The following ARHGAP15 variants were observed in gnomAD, a reference collection of about 807,000 sequenced individuals.
ARHGAP15 encodes Rho GTPase activating protein 15, also known as rho GTPase-activating protein 15.
ARHGAP15 carries 51 observed loss-of-function variants against 63.7 expected under a neutral mutation model. The observed-to-expected ratio is 0.80, with a 90% CI of 0.64 to 1.01. ARHGAP15 has a LOEUF of 1.01. Ranked by LOEUF, ARHGAP15 falls within the 50% of genes least tolerant of loss-of-function variation. ARHGAP15 has a pLI of 0.00. For synonymous variants in ARHGAP15, 191 were observed against 193.8 expected (o/e 0.99, Z 0.12); for missense variants, 560 against 564.6 (o/e 0.99, Z 0.08).
chr2:143,736,232 T>C (rs1685739684), intron 13 of ARHGAP15, among the ~76,000 whole-genome samples: 1 of 152,064 alleles, frequency 6.6e-6, no homozygotes, highest in African/African-American at 2.4e-5. Flanking sequence ...ACCTTGTCTC[T>C]ACTAAATACA....
chr2:143,751,229 G>A (rs538073739), intron 13 of ARHGAP15, among the ~76,000 whole-genome samples: 1 of 152,336 alleles, frequency 6.6e-6, no homozygotes, highest in African/African-American at 2.4e-5. Context: ...GTCTCCGGGA[G>A]GATGAAGATG....
At chr2:143,399,777 C>G (rs1687919459) in intron 6 of ARHGAP15, among the ~76,000 whole-genome samples, 1 of 151,934 alleles carries the variant, frequency 6.6e-6, no homozygotes. Flanking sequence ...AGGAATGTGC[C>G]CCTCTGGAAA....
intron 10 of ARHGAP15, among the ~76,000 whole-genome samples, chr2:143,541,707 C>A (rs1695062532): frequency 6.6e-6 from 1 of 152,274 alleles, no homozygotes; most frequent in African/African-American, 2.4e-5. Flanking sequence ...TGGTGAACCG[C>A]AAATGCTGCT....
chr2:143,425,180 C>G (rs770026891), intron 6 of ARHGAP15, among the ~76,000 whole-genome samples: 1 of 151,992 alleles, frequency 6.6e-6, no homozygotes, highest in Admixed American at 6.6e-5. Flanking sequence ...GATATTTTTG[C>G]ACACATTTGG....
chr2:143,451,549 A>C (rs1690407894), intron 8 of ARHGAP15, among the ~76,000 whole-genome samples: 2 of 151,960 alleles, frequency 1.3e-5, no homozygotes, highest in Admixed American at 1.3e-4. Flanking sequence ...CTATGAAAAA[A>C]TTAGAATTGA....
intron 2 of ARHGAP15, among the ~76,000 whole-genome samples, chr2:143,191,737 T>C (rs1043399920): frequency 9.2e-5 from 14 of 152,234 alleles, no homozygotes; most frequent in Non-Finnish European, 1.9e-4. Flanking sequence ...TTTTTCTATT[T>C]TCACCAGAAA....
chr2:143,429,633 C>G (rs916792753), intron 6 of ARHGAP15, among the ~76,000 whole-genome samples: 2 of 152,000 alleles, frequency 1.3e-5, no homozygotes, highest in African/African-American at 4.8e-5. Flanking sequence ...ATCCAATAAG[C>G]GTCTGGAAAC....
intron 8 of ARHGAP15, among the ~76,000 whole-genome samples, chr2:143,476,510 G>A (rs1691823205): frequency 6.6e-6 from 1 of 152,198 alleles, no homozygotes; most frequent in Admixed American, 6.5e-5. Context: ...TCAGCCCTAT[G>A]CATATGTGTG....
intron 2 of ARHGAP15, among the ~76,000 whole-genome samples, chr2:143,186,129 G>T (rs1039549144): frequency 8.5e-5 from 13 of 152,136 alleles, no homozygotes; most frequent in Non-Finnish European, 1.5e-4. Context: ...GTGGCTAGAT[G>T]AGGGACATAA....
intron 10 of ARHGAP15, among the ~76,000 whole-genome samples, chr2:143,527,876 A>G (rs568095857): frequency 1.9e-4 from 29 of 152,068 alleles, no homozygotes; most frequent in Non-Finnish European, 3.1e-4. Context: ...AAAAAGATCA[A>G]TCACCAACAG....
At chr2:143,155,823 G>T (rs940755898) in intron 2 of ARHGAP15, among the ~76,000 whole-genome samples, 168 bp downstream of exon 2, 3 of 151,840 alleles carry the variant, frequency 2.0e-5, no homozygotes, top group Admixed American at 2.0e-4. Flanking sequence ...AATATCCCCA[G>T]TTGCAAGAGA....
chr2:143,544,209 T>G (rs1396091466), intron 10 of ARHGAP15, among the ~76,000 whole-genome samples: 1 of 152,202 alleles, frequency 6.6e-6, no homozygotes, highest in East Asian at 1.9e-4. Flanking sequence ...TACTTAATTT[T>G]GAGATTTCTA....
chr2:143,594,333 A>G (rs1427829911), intron 11 of ARHGAP15, among the ~76,000 whole-genome samples: 2 of 152,224 alleles, frequency 1.3e-5, no homozygotes, highest in Non-Finnish European at 2.9e-5. Context: ...CAGGAACATT[A>G]ACATGTACAG....
At chr2:143,149,826 T>G (rs969464825) in intron 1 of ARHGAP15, among the ~76,000 whole-genome samples, 6 of 152,064 alleles carry the variant, frequency 3.9e-5, no homozygotes, top group African/African-American at 1.4e-4. Flanking sequence ...TATTTGTTTT[T>G]CATTTATACA....
At chr2:143,489,440 A>AT (rs1308708763) in intron 9 of ARHGAP15, among the ~76,000 whole-genome samples, 1 of 152,028 alleles carries the variant, frequency 6.6e-6, no homozygotes, top group Admixed American at 6.6e-5. Flanking sequence ...CTTCAGTAGA[A>AT]TTTTTTTCCA....
intron 5 of ARHGAP15, among the ~76,000 whole-genome samples, chr2:143,235,708 C>T (rs568546364): frequency 1.3e-5 from 2 of 152,192 alleles, no homozygotes; most frequent in Admixed American, 6.5e-5. Flanking sequence ...TCATTTACTG[C>T]AGAAGTGAAA....
chr2:143,266,056 G>A (rs375907698), intron 6 of ARHGAP15, among the ~76,000 whole-genome samples: 5 of 151,796 alleles, frequency 3.3e-5, no homozygotes, highest in South Asian at 2.1e-4. Context: ...AGTTATTTTC[G>A]AAACTGTGTG....
intron 6 of ARHGAP15, among the ~76,000 whole-genome samples, chr2:143,388,022 C>T (rs1386328603): frequency 6.6e-6 from 1 of 152,100 alleles, no homozygotes; most frequent in South Asian, 2.1e-4. Context: ...AATGCTTTCC[C>T]TTTTCTTTCT....
intron 8 of ARHGAP15, among the ~76,000 whole-genome samples, chr2:143,456,699 TCAG>T (rs889626382): frequency 1.3e-5 from 2 of 152,154 alleles, no homozygotes; most frequent in African/African-American, 2.4e-5. Flanking sequence ...GATTATAACT[TCAG>T]CAGTCTAAAT....
Sources: gnomAD v4.1 joint callset for allele counts (sites outside exome capture counted in the v4.1 genomes callset) on GRCh38, gnomAD v4.1.1 for gene constraint, MANE v1.5 for transcripts, NCBI Gene and HGNC (gene_info 2026-07-23, HGNC 2026-07-21) for gene names.